Variants in MRTFB observed in about 807,000 individuals in gnomAD.
MRTFB encodes the protein myocardin related transcription factor B.
Under a neutral mutation model 104.2 loss-of-function variants are expected in MRTFB, and 29 were observed. That is an observed-to-expected ratio of 0.28 (90% CI 0.21 to 0.38). The LOEUF is 0.38. Among genes scored for constraint, MRTFB ranks in the 10% least tolerant of loss-of-function variants. The probability of loss-of-function intolerance (pLI) is 1.00; values close to 1 mark genes in which losing one functional copy is unlikely to be tolerated. For missense variants in MRTFB, 1,270 were observed against 1,341.6 expected (o/e 0.95, Z 0.83); for synonymous variants, 535 against 519.5 (o/e 1.03, Z -0.41).
chr16:14,023,657 ATGTG>A, the MRTFB span, among the ~76,000 whole-genome samples: 3 of 145,018 alleles, frequency 2.1e-5, no homozygotes, highest in South Asian at 2.2e-4. Flanking sequence ...ATACATATTT[ATGTG>A]TGTGTGTGTG....
chr16:14,261,438 G>T lies in MRTFB; in HGVS notation c.3294G>T (p.Trp1098Cys). 1 of 1,584,414 alleles carries T rather than the reference G, an allele frequency of 6.3e-7. No homozygotes were observed. The highest frequency in any genetic ancestry group is 8.6e-7 in the Non-Finnish European group (1 of 1,162,288). Residue 1098 changes from tryptophan to cysteine, a missense_variant, in exon 17 of 17, where the codon TGG becomes TGT. Coordinates refer to ENST00000571589, the MANE Select transcript of MRTFB (RefSeq NM_001308142.2). ...FLDPQDLPLP[W>C]D ...ACCCACAGGACCTACCGCTGCCATGGGACTAACGTCACAGATTTCTTTTCT... is the reference window on the plus strand; with the variant it reads ...ACCCACAGGACCTACCGCTGCCATGTGACTAACGTCACAGATTTCTTTTCT...
At chr16:13,998,119 TAATA>T in the MRTFB span, among the ~76,000 whole-genome samples, 3 of 152,146 alleles carry the variant, frequency 2.0e-5, no homozygotes, top group Non-Finnish European at 4.4e-5. Flanking sequence ...CAGGTTGGCT[TAATA>T]AATAACAAGA....
At chr16:14,255,812 A>G (rs1186978811) in intron 15 of MRTFB, among the ~76,000 whole-genome samples, 1 of 143,344 alleles carries the variant, frequency 7.0e-6, no homozygotes. Flanking sequence ...ATAGCTTTTA[A>G]AAAAAAAAAT....
At chr16:14,200,940 A>G in intron 3 of MRTFB, 1 of 1,440,256 alleles carries the variant, frequency 6.9e-7, no homozygotes, top group South Asian at 1.1e-5. Context: ...AGCAGTTTTT[A>G]AGACAAAACA....
At chr16:14,243,886 G>A (rs1227749558) in intron 10 of MRTFB, among the ~76,000 whole-genome samples, 1 of 97,746 alleles carries the variant, frequency 1.0e-5, no homozygotes, top group Non-Finnish European at 1.7e-5. Context: ...TTGAGACAGA[G>A]TCTCACTCTG....
the MRTFB span, among the ~76,000 whole-genome samples, chr16:14,044,862 T>G: frequency 1.3e-5 from 2 of 152,128 alleles, no homozygotes; most frequent in Non-Finnish European, 2.9e-5. Context: ...TGTGACAATA[T>G]GGTCCCTTGC....
chr16:14,237,117 G>A (rs1017519877), intron 9 of MRTFB, among the ~76,000 whole-genome samples: 1 of 152,182 alleles, frequency 6.6e-6, no homozygotes, highest in Non-Finnish European at 1.5e-5. Flanking sequence ...GGATAGATGA[G>A]TGCAGACCTT....
At chr16:14,154,800 C>T (rs2038768499) in intron 3 of MRTFB, among the ~76,000 whole-genome samples, 3 of 152,228 alleles carry the variant, frequency 2.0e-5, no homozygotes, top group Non-Finnish European at 4.4e-5. Flanking sequence ...CTGTTGGACT[C>T]AGAGCCTGAG....
chr16:14,248,447 A>G (rs1200403776), intron 12 of MRTFB: 1 of 152,516 alleles, frequency 6.6e-6, no homozygotes, highest in African/African-American at 2.4e-5. Context: ...TTTTTGGTCC[A>G]AATCTTCCAT....
chr16:14,177,682 G>T lies in MRTFB; in HGVS notation c.155-32561G>T, dbSNP rs1016973695. Among the ~76,000 whole-genome samples the T allele has an allele frequency of 2.6e-5, 4 of 151,838 alleles. No homozygotes were observed. The highest frequency in any genetic ancestry group is 9.7e-5 in the African/African-American group (4 of 41,306). On this transcript the variant is annotated intron_variant, in intron 3 of 16. Coordinates refer to ENST00000571589, the MANE Select transcript of MRTFB (RefSeq NM_001308142.2). The surrounding 1 kb of genome is among the most constrained non-coding windows in gnomAD (Gnocchi z 4.7). ...TCTACTAAAAAACAAAATTAACTGGGCATGGTGGCATGAGCCTGTAGACCC... is the reference window on the plus strand; with the variant it reads ...TCTACTAAAAAACAAAATTAACTGGTCATGGTGGCATGAGCCTGTAGACCC...
At chr16:13,998,921 G>C in the MRTFB span, among the ~76,000 whole-genome samples, 28 of 130,180 alleles carry the variant, frequency 2.2e-4, no homozygotes, top group South Asian at 7.0e-3. Flanking sequence ...GGCCGGTCAT[G>C]GGGGCTCACA....
At chr16:14,186,392 T>C (rs8054826) in intron 3 of MRTFB, among the ~76,000 whole-genome samples, 17,298 of 152,136 alleles carry the variant, frequency 0.11, 2,243 homozygotes, top group African/African-American at 0.32. Flanking sequence ...ATTGATGTGC[T>C]TGTCTGGTCA....
the MRTFB span, among the ~76,000 whole-genome samples, chr16:14,023,485 T>C: frequency 9.2e-5 from 14 of 151,676 alleles, no homozygotes; most frequent in African/African-American, 3.4e-4. Context: ...GTTTCTCTAT[T>C]TATTATGTGA....
the MRTFB span, among the ~76,000 whole-genome samples, chr16:14,036,296 T>TTATATATATATATATATA: frequency 9.2e-4 from 90 of 98,294 alleles, 5 homozygotes; most frequent in South Asian, 0.013. Flanking sequence ...TTATATATAT[T>TTATATATATATATATATA]TATATATATA....
At position 14,247,253 on chromosome 16, in the gene MRTFB, G is replaced by C. The variant is rs765040814; in HGVS notation, c.1993G>C (p.Val665Leu). The C allele has an allele frequency of 6.2e-6, 10 of 1,614,044 alleles. No homozygotes were observed. In the Admixed American group the frequency reaches 1.7e-4, roughly 27 times the overall value. The stretch of plus-strand genomic sequence containing the variant: ...AGCCAGCCACGCTGTAGGCCAGCCC[G>C]TCTCTACAGGTGGCCAGACCCTTGT... Reference protein sequence around the residue: ...PVASHAVGQPVSTGGQTLVAK... With the variant: ...PVASHAVGQPLSTGGQTLVAK... The change falls in exon 12 of 17, where the codon GTC becomes CTC. Residue 665 changes from valine (V) to leucine (L), a missense_variant. By Grantham distance (32) the Val-to-Leu change is conservative. Around this residue, in one of 3 missense-constraint regions of MRTFB, gnomAD observed 1,144 missense variants for 1,131.5 expected, o/e 1.01. Coordinates refer to ENST00000571589, the MANE Select transcript of MRTFB (RefSeq NM_001308142.2).
chr16:14,164,504 A>G (rs953578208), intron 3 of MRTFB, among the ~76,000 whole-genome samples: 8 of 152,070 alleles, frequency 5.3e-5, no homozygotes, highest in Non-Finnish European at 8.8e-5. Context: ...TTATCCATTC[A>G]TCTGATGGAC....
chr16:14,230,492 C>G (rs1481692635), intron 8 of MRTFB, among the ~76,000 whole-genome samples: 1 of 152,098 alleles, frequency 6.6e-6, no homozygotes, highest in African/African-American at 2.4e-5. Context: ...AGACACTTCT[C>G]AAAAGAAGAC....
intron 3 of MRTFB, among the ~76,000 whole-genome samples, chr16:14,163,948 A>G (rs776117645): frequency 3.9e-5 from 6 of 152,146 alleles, no homozygotes; most frequent in South Asian, 2.1e-4. Context: ...GTACATATTT[A>G]TGGGAGTGGT....
chr16:14,029,178 G>A, the MRTFB span, among the ~76,000 whole-genome samples: 1 of 151,684 alleles, frequency 6.6e-6, no homozygotes, highest in Non-Finnish European at 1.5e-5. Flanking sequence ...GCGCACACCT[G>A]TGGTCCCAGC....
Sources: allele counts gnomAD v4.1 joint callset (sites outside exome capture counted in the v4.1 genomes callset), GRCh38; gene constraint gnomAD v4.1.1; regional missense constraint gnomAD v4.1.1; non-coding constraint Gnocchi (gnomAD v3.1); transcripts MANE v1.5; gene names NCBI Gene and HGNC (gene_info 2026-07-23, HGNC 2026-07-21).